The following LPCAT1 variants were observed in gnomAD, a reference collection of about 807,000 sequenced individuals.
The protein encoded by LPCAT1 is 1-acylglycerol-3-phosphate O-acyltransferase.
LPCAT1 carries 23 observed loss-of-function variants against 60.9 expected under a neutral mutation model. The observed-to-expected ratio is 0.38, with a 90% CI of 0.27 to 0.53. LPCAT1 has a LOEUF of 0.53. Among genes scored for constraint, LPCAT1 ranks in the 20% least tolerant of loss-of-function variants. The probability of loss-of-function intolerance (pLI) is 0.82; values close to 1 mark genes in which losing one functional copy is unlikely to be tolerated. For synonymous variants in LPCAT1, 340 were observed against 301.1 expected, an observed-to-expected ratio of 1.13 and a Z score of -1.34; for missense variants, 622 against 723.6, an observed-to-expected ratio of 0.86 and a Z score of 1.61.
chr5:1,480,338 C>G lies in LPCAT1; in HGVS notation c.761+604G>C, dbSNP rs1225592421. On this transcript the variant is annotated intron_variant, in intron 7 of 13. Transcript: ENST00000283415. This position sits in a 1 kb window ranked among gnomAD's most constrained non-coding sequence, Gnocchi z 6.4. ...GAAAGCACCAGCGGACCCACATCCT[C>G]CCAAACGCCTGGAATGGAGCTGCTC... 2 of 985,156 alleles carry G rather than the reference C, an allele frequency of 2.0e-6. No homozygotes were observed. Among genetic ancestry groups the G allele is most frequent in the Non-Finnish European group, 2.4e-6 (2 of 829,914 alleles). 61.0% of individuals were successfully genotyped at this position (985,156 alleles called of 1,614,324 possible).
chr5:1,517,032 G>C (rs111661106), intron 1 of LPCAT1, among the ~76,000 whole-genome samples: 148 of 152,340 alleles, frequency 9.7e-4, no homozygotes, highest in Middle Eastern at 3.4e-3. Context: ...GGGACAAACA[G>C]TGATCACATT....
In LPCAT1 at chr5:1,470,913, G is replaced by A. The variant is rs757450354; in HGVS notation, c.1191C>T (p.Gly397=). The change falls in exon 12 of 14, where the codon GGC becomes GGT. Residue 397 remains glycine (G), a synonymous_variant. Transcript: ENST00000283415. ...MFSLFDESGS[G]EVDLRECVVA... Reference sequence around the variant, plus strand: ...CCACACACTCTCGCAGGTCCACCTCGCCGCTGCCGCTCTGTGGGGAGAGAC... The same window carrying A: ...CCACACACTCTCGCAGGTCCACCTCACCGCTGCCGCTCTGTGGGGAGAGAC... 15 of 1,612,788 alleles carry A rather than the reference G, an allele frequency of 9.3e-6. No homozygotes were observed. Among genetic ancestry groups the A allele is most frequent in the Admixed American group, 8.3e-5 (5 of 59,960 alleles).
At chr5:1,494,513 A>AG (rs561014601) in intron 3 of LPCAT1, among the ~76,000 whole-genome samples, 187 bp downstream of exon 3, 106 of 150,708 alleles carry the variant, frequency 7.0e-4, no homozygotes, top group African/African-American at 2.1e-3. Flanking sequence ...CATTCCCAGA[A>AG]GGGGGGGTCC....
intron 1 of LPCAT1, among the ~76,000 whole-genome samples, chr5:1,506,856 C>G (rs901711237): frequency 6.6e-6 from 1 of 152,184 alleles, no homozygotes; most frequent in African/African-American, 2.4e-5. Context: ...AGACCTGCAG[C>G]CACAGGGACA....
chr5:1,474,707 C>A, intron 9 of LPCAT1, 22 bp from the exon 10 acceptor site: 7 of 1,606,194 alleles, frequency 4.4e-6, no homozygotes, highest in Non-Finnish European at 6.0e-6. Flanking sequence ...GCAGCACCCC[C>A]GTCAGCCCAG....
intron 11 of LPCAT1, among the ~76,000 whole-genome samples, chr5:1,471,351 G>A (rs1302893402): frequency 2.0e-5 from 3 of 152,224 alleles, no homozygotes; most frequent in African/African-American, 4.8e-5. Flanking sequence ...ACAGCAGCCC[G>A]GGCCAGCTGT....
chr5:1,469,132 C>T lies in LPCAT1; in HGVS notation c.1278+1694G>A, dbSNP rs893441583. 5.9e-5 allele frequency among the ~76,000 whole-genome samples: 9 copies of T among 152,186 alleles called. 1 individual carries two copies. The highest frequency in any genetic ancestry group is 5.2e-4 in the Admixed American group (8 of 15,284). On this transcript the variant is annotated intron_variant, in intron 12 of 13. Transcript: ENST00000283415. ...CGGGACCCTGGTGTCGCCGTGGGGA[C>T]GCAGCCATATCAGCGGCCTGGAAGC...
Position 1,523,797 on chromosome 5 carries a change from T to G in LPCAT1, c.48A>C (p.Ala16=). The G allele has an allele frequency of 9.0e-7, 1 of 1,111,158 alleles. No homozygotes were observed. Among genetic ancestry groups the G allele is most frequent in the Non-Finnish European group, 1.1e-6 (1 of 911,770 alleles). 68.8% of individuals were successfully genotyped at this position (1,111,158 alleles called of 1,614,324 possible). ...CGPRAAPASS[A]GASDARLLAP... ...CCAGCAGCCGAGCGTCGCTGGCCCC[T>G]GCGCTGGAGGCAGGGGCGGCCCGGG... Residue 16 remains alanine (A), a synonymous_variant, in exon 1 of 14, where the codon GCA becomes GCC. Coordinates refer to ENST00000283415, the MANE Select transcript of LPCAT1 (RefSeq NM_024830.5). This position sits in a 1 kb window ranked among gnomAD's most constrained non-coding sequence, Gnocchi z 7.1.
At position 1,461,733 on chromosome 5, in the gene LPCAT1, T is replaced by C. The variant is rs1164364094; in HGVS notation, c.*1918A>G. 1 of 152,756 alleles carries C rather than the reference T, an allele frequency of 6.5e-6. No individual in the cohort carries two copies. The highest frequency in any genetic ancestry group is 1.5e-5 in the Non-Finnish European group (1 of 68,048). The allele number at this position is 152,756 out of a possible 1,614,324, so 9.5% of individuals were successfully genotyped here. On this transcript the variant is annotated 3_prime_UTR_variant, in exon 14 of 14. Transcript: ENST00000283415. Reference sequence around the variant, plus strand: ...AAAGTCTGTTTATCAGAGATTTTTTTTTCTGAAAATGCACAGTGGCATTTC... The same window carrying C: ...AAAGTCTGTTTATCAGAGATTTTTTCTTCTGAAAATGCACAGTGGCATTTC...
intron 3 of LPCAT1, among the ~76,000 whole-genome samples, chr5:1,491,500 G>A (rs958543564): frequency 2.6e-5 from 4 of 151,806 alleles, no homozygotes; most frequent in African/African-American, 9.7e-5. Flanking sequence ...GTAAATGTGG[G>A]GGGTGCAGGG....
chr5:1,495,342 C>T lies in LPCAT1; in HGVS notation c.279-428G>A, dbSNP rs80270410. On this transcript the variant is annotated intron_variant, in intron 2 of 13. Coordinates refer to ENST00000283415, the MANE Select transcript of LPCAT1 (RefSeq NM_024830.5). The surrounding 1 kb of genome is among the most constrained non-coding windows in gnomAD (Gnocchi z 4.7). Reference sequence around the variant, plus strand: ...GCATATCGCAATATGGGGGGGGGGGCGCTCAGAGCTGAGGGCGGAAGCTGA... The same window carrying T: ...GCATATCGCAATATGGGGGGGGGGGTGCTCAGAGCTGAGGGCGGAAGCTGA... Among the ~76,000 whole-genome samples the T allele has an allele frequency of 1.4e-5, 2 of 146,180 alleles. No homozygotes were observed. Among genetic ancestry groups the T allele is most frequent in the Admixed American group, 1.4e-4 (2 of 14,536 alleles).
At chr5:1,490,498 G>A (rs1009442306) in intron 3 of LPCAT1, among the ~76,000 whole-genome samples, 2 of 152,218 alleles carry the variant, frequency 1.3e-5, no homozygotes, top group African/African-American at 4.8e-5. Context: ...CCCCCACCAC[G>A]AGCCGGGAGG....
At chr5:1,489,411 C>T (rs1023526221) in intron 4 of LPCAT1, among the ~76,000 whole-genome samples, 2 of 152,340 alleles carry the variant, frequency 1.3e-5, no homozygotes, top group Admixed American at 6.5e-5. Context: ...TTTAGAACCA[C>T]CCAACACACA....
In LPCAT1 at chr5:1,488,422, T is replaced by G. The variant is rs779859973; in HGVS notation, c.636A>C (p.Thr212=). 9 of 1,603,042 alleles carry G rather than the reference T, an allele frequency of 5.6e-6. No individual in the cohort carries two copies. Among genetic ancestry groups the G allele is most frequent in the Non-Finnish European group, 6.8e-6 (8 of 1,175,264 alleles). The change falls in exon 5 of 14, where the codon ACA becomes ACC. Residue 212 remains threonine (T), a synonymous_variant. Transcript: ENST00000283415. Reference sequence around the variant, plus strand: ...TGAAGGTAATTAGGCAGGTCCTGTTTGTACAAGTTCCTTCTGGAAAAATCA... The same window carrying G: ...TGAAGGTAATTAGGCAGGTCCTGTTGGTACAAGTTCCTTCTGGAAAAATCA... ...QIMIFPEGTC[T]NRTCLITFKP...
chr5:1,506,517 A>G (rs915932297), intron 1 of LPCAT1, among the ~76,000 whole-genome samples: 5 of 152,204 alleles, frequency 3.3e-5, no homozygotes, highest in Non-Finnish European at 7.3e-5. Flanking sequence ...CCTGGTGCAG[A>G]TGGGTCTGGA....
At chr5:1,519,309 G>A (rs2126627359) in intron 1 of LPCAT1, among the ~76,000 whole-genome samples, 1 of 152,340 alleles carries the variant, frequency 6.6e-6, no homozygotes, top group South Asian at 2.1e-4. Context: ...ATGCACTTAT[G>A]TATATGTGTA....
At chr5:1,490,948 C>A (rs1018722437) in intron 3 of LPCAT1, among the ~76,000 whole-genome samples, 1 of 152,170 alleles carries the variant, frequency 6.6e-6, no homozygotes, top group Non-Finnish European at 1.5e-5. Context: ...AGCCCCACCT[C>A]CCCACCCCAG....
intron 1 of LPCAT1, among the ~76,000 whole-genome samples, chr5:1,518,586 C>A (rs879603981): frequency 2.0e-5 from 3 of 152,322 alleles, no homozygotes; most frequent in Non-Finnish European, 1.5e-5. Context: ...ATGATCCGCC[C>A]GCCTCGGCCT....
At position 1,496,419 on chromosome 5, in the gene LPCAT1, A is replaced by C. The variant is rs75035404; in HGVS notation, c.279-1505T>G. 2.1e-3 allele frequency among the ~76,000 whole-genome samples: 295 copies of C among 141,158 alleles called. 2 individuals carry two copies. The highest frequency in any genetic ancestry group is 5.0e-3 in the African/African-American group (177 of 35,466). 92.6% of individuals were successfully genotyped at this position (141,158 alleles called of 152,430 possible). Reference sequence around the variant, plus strand: ...TTCTGTGCACATGTTATTTTCCACAAAAAAAAAAAAAAAGTACAAAAACAA... The same window carrying C: ...TTCTGTGCACATGTTATTTTCCACACAAAAAAAAAAAAAGTACAAAAACAA... On this transcript the variant is annotated intron_variant, in intron 2 of 13. Transcript: ENST00000283415. This position sits in a 1 kb window ranked among gnomAD's most constrained non-coding sequence, Gnocchi z 4.7.
Sources: allele counts gnomAD v4.1 joint callset (sites outside exome capture counted in the v4.1 genomes callset), GRCh38; gene constraint gnomAD v4.1.1; non-coding constraint Gnocchi (gnomAD v3.1); transcripts MANE v1.5; gene names NCBI Gene and HGNC (gene_info 2026-07-23, HGNC 2026-07-21).